FAT3: variants seen among roughly 807,000 people sequenced by gnomAD.
The protein encoded by FAT3 is FAT atypical cadherin 3, also known as protocadherin Fat 3.
Under a neutral mutation model 310.2 loss-of-function variants are expected in FAT3, and 95 were observed. The ratio of observed to expected loss-of-function variants is 0.31; its 90% CI spans 0.26 to 0.36. The LOEUF (loss-of-function observed/expected upper bound fraction) is 0.36. FAT3 is among the 10% of genes least tolerant of loss of function. The pLI is 1.00. For missense variants in FAT3, 5,408 were observed against 5,715.6 expected (o/e 0.95, Z 1.74); for synonymous variants, 2,314 against 2,192.9 (o/e 1.06, Z -1.54).
intron 22 of FAT3, among the ~76,000 whole-genome samples, chr11:92,868,338 G>A (rs1391412456): frequency 6.6e-6 from 1 of 152,166 alleles, no homozygotes; most frequent in African/African-American, 2.4e-5. Flanking sequence ...ACCACAATGA[G>A]GGCCAAGTAC....
chr11:92,469,178 A>G (rs1319217514), intron 2 of FAT3, among the ~76,000 whole-genome samples: 1 of 152,170 alleles, frequency 6.6e-6, no homozygotes, highest in Non-Finnish European at 1.5e-5. Context: ...TGATTGTTTC[A>G]TTCAAAAACC....
intron 2 of FAT3, among the ~76,000 whole-genome samples, chr11:92,397,674 T>C (rs1949905703): frequency 6.6e-6 from 1 of 151,834 alleles, no homozygotes; most frequent in Admixed American, 6.6e-5. Flanking sequence ...TTTCCACTCA[T>C]CCTCAGAGAG....
chr11:92,239,496 C>T (rs910522079), intron 1 of FAT3, among the ~76,000 whole-genome samples: 1 of 152,056 alleles, frequency 6.6e-6, no homozygotes, highest in Non-Finnish European at 1.5e-5. Flanking sequence ...TCTCTGACTC[C>T]ACAAAAGGAA....
rs146780812 is a variant in FAT3 at position 92,338,359 on chromosome 11, C to A, written c.-17-13737C>A. On this transcript the variant is annotated intron_variant, in intron 1 of 27. Coordinates refer to ENST00000525166, the MANE Select transcript of FAT3 (RefSeq NM_001367949.2). ...CTTCTTAGTTTAAGGCTTATCAAAG[C>A]AATGATCCTATTTCCTTTGCAGAAG... 8.1e-3 allele frequency among the ~76,000 whole-genome samples: 1,238 copies of A among 152,166 alleles called. 23 individuals are homozygous for A. The highest frequency in any genetic ancestry group is 0.029 in the African/African-American group (1,186 of 41,498).
At chr11:92,484,197 A>T (rs964542521) in intron 2 of FAT3, among the ~76,000 whole-genome samples, 2 of 152,230 alleles carry the variant, frequency 1.3e-5, no homozygotes, top group Non-Finnish European at 2.9e-5. Context: ...TATGTAAATT[A>T]TGAAAATAAT....
intron 3 of FAT3, among the ~76,000 whole-genome samples, chr11:92,668,053 T>G (rs572078519): frequency 3.3e-5 from 5 of 152,326 alleles, no homozygotes; most frequent in Admixed American, 1.3e-4. Context: ...GAAAGCTGCA[T>G]TGCTTGTTGA....
At chr11:92,573,825 C>G (rs1938319658) in intron 3 of FAT3, among the ~76,000 whole-genome samples, 1 of 151,972 alleles carries the variant, frequency 6.6e-6, no homozygotes, top group Non-Finnish European at 1.5e-5. Context: ...GGGCTTCTGG[C>G]CTCCAGAACT....
intron 1 of FAT3, among the ~76,000 whole-genome samples, chr11:92,330,965 GGTGTGTGT>G (rs375080524): frequency 8.8e-5 from 12 of 135,996 alleles, no homozygotes; most frequent in African/African-American, 2.4e-4. Flanking sequence ...AGGAGTAAAG[GGTGTGTGT>G]GTGTGTGTGT....
chr11:92,606,396 G>T (rs1021680033), intron 3 of FAT3, among the ~76,000 whole-genome samples: 1 of 152,156 alleles, frequency 6.6e-6, no homozygotes, highest in African/African-American at 2.4e-5. Context: ...GGAGAATGGA[G>T]ACTTCCCCAG....
chr11:92,234,504 C>A (rs766404279), intron 1 of FAT3, among the ~76,000 whole-genome samples: 1 of 152,004 alleles, frequency 6.6e-6, no homozygotes, highest in Non-Finnish European at 1.5e-5. Flanking sequence ...TGGTGGCTCA[C>A]GCCTGTAATC....
rs961647667 is a variant in FAT3 at position 92,859,200 on chromosome 11, A to G, written c.11536A>G (p.Ile3846Val). Residue 3846 changes from isoleucine to valine, a missense_variant, in exon 21 of 28, where the codon ATC becomes GTC. Ile to Val is a conservative substitution (Grantham distance 29). Around this residue, in one of 5 missense-constraint regions of FAT3, gnomAD observed 4,588 missense variants for 4,809.8 expected, o/e 0.95. Coordinates refer to ENST00000525166, the MANE Select transcript of FAT3 (RefSeq NM_001367949.2). Reference protein sequence around the residue: ...TSLSFAGNSYIKYRLSENSKE... With the variant: ...TSLSFAGNSYVKYRLSENSKE... ...TCTCAGCTTTGCTGGAAACAGTTACATCAAATATCGGCTTTCTGAAAATAG... is the reference window on the plus strand; with the variant it reads ...TCTCAGCTTTGCTGGAAACAGTTACGTCAAATATCGGCTTTCTGAAAATAG... 1.9e-6 allele frequency: 3 copies of G among 1,613,872 alleles called. No homozygotes were observed. The highest frequency in any genetic ancestry group is 2.7e-5 in the African/African-American group (2 of 75,038).
At chr11:92,568,965 A>G (rs748918807) in intron 3 of FAT3, among the ~76,000 whole-genome samples, 4 of 152,068 alleles carry the variant, frequency 2.6e-5, no homozygotes, top group Non-Finnish European at 4.4e-5. Context: ...GGTAACACAA[A>G]CCTGTCCTCA....
chr11:92,615,476 A>G (rs1304262668), intron 3 of FAT3, among the ~76,000 whole-genome samples: 2 of 152,048 alleles, frequency 1.3e-5, no homozygotes, highest in African/African-American at 4.8e-5. Flanking sequence ...GGAACACCTG[A>G]CCTCAGGTGA....
chr11:92,279,701 A>G (rs1946372249), intron 1 of FAT3, among the ~76,000 whole-genome samples: 1 of 152,142 alleles, frequency 6.6e-6, no homozygotes, highest in Non-Finnish European at 1.5e-5. Context: ...GAACATCTCA[A>G]GTTCTTTCTT....
intron 2 of FAT3, among the ~76,000 whole-genome samples, chr11:92,480,122 G>A (rs555275253): frequency 3.9e-4 from 59 of 152,094 alleles, no homozygotes; most frequent in Admixed American, 7.9e-4. Context: ...AAAATTAGCC[G>A]GGCGTGGTGG....
intron 21 of FAT3, among the ~76,000 whole-genome samples, chr11:92,865,210 G>A (rs1284379688): frequency 1.3e-5 from 2 of 152,210 alleles, no homozygotes; most frequent in Admixed American, 1.3e-4. Context: ...GAGCTACAAA[G>A]GCAGAAATGA....
chr11:92,232,584 A>G (rs186089194), intron 1 of FAT3, among the ~76,000 whole-genome samples: 2 of 145,458 alleles, frequency 1.4e-5, no homozygotes, highest in Non-Finnish European at 3.0e-5. Flanking sequence ...AGCTGTTGGA[A>G]CTTGACCATT....
intron 3 of FAT3, among the ~76,000 whole-genome samples, chr11:92,684,687 A>G (rs1382164817): frequency 3.3e-5 from 5 of 152,150 alleles, no homozygotes; most frequent in African/African-American, 9.7e-5. Flanking sequence ...TATGGAATAA[A>G]CAAGCTAGAT....
chr11:92,310,143 A>G (rs942714998), intron 1 of FAT3, among the ~76,000 whole-genome samples: 2 of 152,212 alleles, frequency 1.3e-5, no homozygotes, highest in African/African-American at 2.4e-5. Context: ...TGTGTAGTCA[A>G]TCTTTTCAAT....
Sources: gnomAD v4.1 joint callset for allele counts (sites outside exome capture counted in the v4.1 genomes callset) on GRCh38, gnomAD v4.1.1 for gene constraint, gnomAD v4.1.1 regional missense constraint, MANE v1.5 for transcripts, NCBI Gene and HGNC (gene_info 2026-07-23, HGNC 2026-07-21) for gene names.